The following DNER variants were observed in gnomAD, a reference collection of about 807,000 sequenced individuals.
DNER encodes the protein delta and Notch-like epidermal growth factor-related receptor.
A neutral mutation model predicts 78.2 loss-of-function variants in DNER; 33 were observed. The ratio of observed to expected loss-of-function variants is 0.42; its 90% confidence interval spans 0.32 to 0.56. The LOEUF (loss-of-function observed/expected upper bound fraction) is 0.56. Ranked by LOEUF, DNER falls within the 20% of genes least tolerant of loss-of-function variation. DNER has a pLI of 0.11. For synonymous variants in DNER, 417 were observed against 384.8 expected, an observed-to-expected ratio of 1.08 and a Z score of -0.98; for missense variants, 918 against 975.3, an observed-to-expected ratio of 0.94 and a Z score of 0.78.
At chr2:229,706,035 AAT>A (rs1165519459) in intron 1 of DNER, among the ~76,000 whole-genome samples, 3 of 152,152 alleles carry the variant, frequency 2.0e-5, no homozygotes, top group African/African-American at 4.8e-5. Context: ...ATTTGAAGAC[AAT>A]GACTGTACTC....
Position 229,603,511 on chromosome 2 carries a change from TACA to T in DNER, c.277-11626_277-11624del, listed in dbSNP as rs549292883. 4.6e-3 allele frequency among the ~76,000 whole-genome samples: 708 copies of T among 152,346 alleles called. 9 individuals carry two copies. Among genetic ancestry groups the T allele is most frequent in the African/African-American group, 0.015 (628 of 41,586 alleles). ...TGAAAAAGAAAGAACTATAGCCTTA[TACA>T]ACAAGTAGAACAAATTCCCCAAACA... is the stretch of plus-strand genomic sequence containing the variant. On this transcript the variant is annotated intron_variant, in intron 1 of 12. Transcript: ENST00000341772.
intron 1 of DNER, among the ~76,000 whole-genome samples, chr2:229,705,050 G>A (rs1286204977): frequency 6.6e-6 from 1 of 152,140 alleles, no homozygotes; most frequent in African/African-American, 2.4e-5. Context: ...TGACTTCAAC[G>A]CGGTGGGATA....
chr2:229,588,512 C>T, intron 2 of DNER, 24 bp from the exon 3 acceptor site: 1 of 1,534,828 alleles, frequency 6.5e-7, no homozygotes, highest in South Asian at 1.1e-5. Flanking sequence ...AAAAAAACGA[C>T]ATATGATTGG....
intron 8 of DNER, among the ~76,000 whole-genome samples, chr2:229,425,334 A>G (rs575696168): frequency 3.9e-5 from 6 of 152,194 alleles, no homozygotes; most frequent in African/African-American, 7.2e-5. Context: ...TGTGCCCCCT[A>G]TGAAGCCTCC....
chr2:229,530,494 C>T (rs552559947), intron 5 of DNER, among the ~76,000 whole-genome samples: 64 of 152,342 alleles, frequency 4.2e-4, no homozygotes, highest in African/African-American at 1.5e-3. Flanking sequence ...GACTGAGCCA[C>T]AGCTCAAATT....
chr2:229,665,800 T>A (rs887538404), intron 1 of DNER, among the ~76,000 whole-genome samples: 2 of 152,112 alleles, frequency 1.3e-5, no homozygotes, highest in African/African-American at 4.8e-5. Context: ...GTGATCTGGG[T>A]CTCCTTTCCA....
chr2:229,552,788 G>T (rs1235846929), intron 4 of DNER, among the ~76,000 whole-genome samples: 3 of 152,076 alleles, frequency 2.0e-5, no homozygotes, highest in Admixed American at 6.6e-5. Flanking sequence ...CTCTTAAATT[G>T]GGATCCATAC....
At chr2:229,455,806 G>A (rs1233982582) in intron 7 of DNER, among the ~76,000 whole-genome samples, 1 of 152,078 alleles carries the variant, frequency 6.6e-6, no homozygotes, top group Non-Finnish European at 1.5e-5. Context: ...AATATACTAA[G>A]TCATTTAACT....
chr2:229,557,580 G>T (rs1489925806), intron 4 of DNER, among the ~76,000 whole-genome samples: 1 of 152,074 alleles, frequency 6.6e-6, no homozygotes, highest in East Asian at 1.9e-4. Context: ...AATAAAGCCT[G>T]CTGTGAATTA....
At chr2:229,449,865 C>T (rs528599413) in intron 7 of DNER, among the ~76,000 whole-genome samples, 5 of 152,288 alleles carry the variant, frequency 3.3e-5, no homozygotes, top group Admixed American at 2.6e-4. Context: ...CTCACTGCAA[C>T]CTCTGCCTTC....
chr2:229,420,251 C>T (rs556349123), intron 8 of DNER, among the ~76,000 whole-genome samples: 9 of 152,176 alleles, frequency 5.9e-5, no homozygotes, highest in Non-Finnish European at 1.0e-4. Flanking sequence ...TGGCCCTTTG[C>T]GCAGAACAAG....
chr2:229,612,580 C>T (rs1426059255), intron 1 of DNER, among the ~76,000 whole-genome samples: 1 of 152,232 alleles, frequency 6.6e-6, no homozygotes, highest in East Asian at 1.9e-4. Flanking sequence ...AAGCTTGCAG[C>T]TCTATGATTC....
Position 229,706,273 on chromosome 2 carries a change from G to A in DNER, c.276+7875C>T, listed in dbSNP as rs933082600. Reference sequence around the variant, plus strand: ...GCCATATAATAAGTATTTTTGGGCCGGACACAGTGGCTCATGCCTGTAATT... The same window carrying A: ...GCCATATAATAAGTATTTTTGGGCCAGACACAGTGGCTCATGCCTGTAATT... On this transcript the variant is annotated intron_variant, in intron 1 of 12. Transcript: ENST00000341772. Among the ~76,000 whole-genome samples, 9 of 152,158 alleles carry A rather than the reference G, an allele frequency of 5.9e-5. No individual in the cohort carries two copies. The South Asian group carries it at 6.2e-4, about 11-fold the overall frequency.
intron 10 of DNER, among the ~76,000 whole-genome samples, chr2:229,400,854 C>T: frequency 6.6e-6 from 1 of 151,894 alleles, no homozygotes; most frequent in East Asian, 1.9e-4. Context: ...CACTTCCTCC[C>T]AAATTGTTAA....
chr2:229,594,952 TAAAAAAAAA>T (rs200824543), intron 1 of DNER, among the ~76,000 whole-genome samples: 2 of 102,688 alleles, frequency 1.9e-5, no homozygotes, highest in African/African-American at 6.7e-5. Context: ...AAATGCTGTT[TAAAAAAAAA>T]AAAAAAAAAA....
chr2:229,590,928 G>A (rs924625766), intron 2 of DNER, among the ~76,000 whole-genome samples: 3 of 152,186 alleles, frequency 2.0e-5, no homozygotes, highest in Admixed American at 6.5e-5. Context: ...AGTGAGTTCA[G>A]GTGAGATTGG....
At chr2:229,498,034 C>T (rs79432772) in intron 6 of DNER, among the ~76,000 whole-genome samples, 2,480 of 151,990 alleles carry the variant, frequency 0.016, 66 homozygotes, top group African/African-American at 0.056. Context: ...CTCAAAAAAA[C>T]ACTAGCAAAC....
chr2:229,511,028 C>T (rs56238943), intron 6 of DNER, among the ~76,000 whole-genome samples: 4 of 152,200 alleles, frequency 2.6e-5, no homozygotes, highest in Admixed American at 6.5e-5. Flanking sequence ...AAAGAATATA[C>T]GAAATATTAA....
intron 12 of DNER, among the ~76,000 whole-genome samples, chr2:229,363,245 G>A (rs997709154): frequency 1.8e-4 from 28 of 152,166 alleles, no homozygotes; most frequent in Non-Finnish European, 3.1e-4. Context: ...AGAATCACCC[G>A]ACACAGCCTC....
Sources: gnomAD v4.1 joint callset for allele counts (sites outside exome capture counted in the v4.1 genomes callset) on GRCh38, gnomAD v4.1.1 for gene constraint, MANE v1.5 for transcripts, NCBI Gene and HGNC (gene_info 2026-07-23, HGNC 2026-07-21) for gene names.